The following ARHGAP10 variants were observed in gnomAD, a reference collection of about 807,000 sequenced individuals.
ARHGAP10 encodes rho GTPase-activating protein 10.
Under a neutral mutation model 108.6 loss-of-function variants are expected in ARHGAP10, and 87 were observed. That is an observed-to-expected ratio of 0.80 (90% CI 0.67 to 0.96). ARHGAP10 has a LOEUF of 0.96. ARHGAP10 is among the 40% of genes least tolerant of loss of function. ARHGAP10 has a pLI of 0.00. For synonymous variants in ARHGAP10, 347 were observed against 341.1 expected (o/e 1.02, Z -0.19); for missense variants, 939 against 954.5 (o/e 0.98, Z 0.21).
intron 22 of ARHGAP10, among the ~76,000 whole-genome samples, chr4:148,066,758 C>T (rs902376417): frequency 1.3e-5 from 2 of 152,208 alleles, no homozygotes; most frequent in African/African-American, 4.8e-5. Flanking sequence ...GGACTCTGTG[C>T]AGCTGATTCT....
chr4:147,733,445 C>T (rs1256037166), intron 1 of ARHGAP10, among the ~76,000 whole-genome samples: 1 of 152,144 alleles, frequency 6.6e-6, no homozygotes, highest in East Asian at 1.9e-4. Flanking sequence ...CCTGTCCATA[C>T]AGCAGACAGG....
At chr4:147,946,777 G>T in intron 15 of ARHGAP10, 73 bp downstream of exon 15, 1 of 1,150,552 alleles carries the variant, frequency 8.7e-7, no homozygotes, top group Non-Finnish European at 1.2e-6. Context: ...TGCCAATTGT[G>T]TACATAAATA....
chr4:147,732,194 GCTCCT>G lies in ARHGAP10; in HGVS notation c.-105_-101del. On this transcript the variant is annotated 5_prime_UTR_variant, in exon 1 of 23. Coordinates refer to ENST00000336498, the MANE Select transcript of ARHGAP10 (RefSeq NM_024605.4). Reference sequence around the variant, plus strand: ...GCTCGCCGCGCGCCCGGGCCTGCTAGCTCCTCTGTGCTCCCTGAACGCGCGGCGCC... The same window carrying G: ...GCTCGCCGCGCGCCCGGGCCTGCTAGCTGTGCTCCCTGAACGCGCGGCGCC... The G allele has an allele frequency of 8.5e-7, 1 of 1,174,928 alleles. No individual in the cohort carries two copies. Among genetic ancestry groups the G allele is most frequent in the Non-Finnish European group, 1.1e-6 (1 of 900,332 alleles). 72.8% of individuals were successfully genotyped at this position (1,174,928 alleles called of 1,614,324 possible).
At chr4:147,885,849 C>T (rs6853610) in intron 10 of ARHGAP10, among the ~76,000 whole-genome samples, 137,782 of 152,186 alleles carry the variant, frequency 0.91, 63,821 homozygotes, top group Non-Finnish European at 1. Context: ...TATGTAGTTT[C>T]CTTACCCTTT....
At chr4:148,029,340 C>G (rs933742606) in intron 19 of ARHGAP10, among the ~76,000 whole-genome samples, 26 of 152,190 alleles carry the variant, frequency 1.7e-4, no homozygotes, top group African/African-American at 6.0e-4. Context: ...AAGGATAGCT[C>G]ACATTCACGG....
intron 19 of ARHGAP10, among the ~76,000 whole-genome samples, chr4:148,024,846 T>G (rs1741707193): frequency 6.6e-6 from 1 of 152,272 alleles, no homozygotes; most frequent in South Asian, 2.1e-4. Flanking sequence ...GATGGAAGTG[T>G]TAATAAATAG....
chr4:147,962,299 G>A (rs748840110), intron 16 of ARHGAP10, among the ~76,000 whole-genome samples: 5 of 152,122 alleles, frequency 3.3e-5, no homozygotes, highest in African/African-American at 1.2e-4. Flanking sequence ...TTCTTCCATC[G>A]TAGCGCTCAA....
chr4:148,014,802 T>C (rs1161575995), intron 18 of ARHGAP10, among the ~76,000 whole-genome samples: 1 of 152,170 alleles, frequency 6.6e-6, no homozygotes, highest in Non-Finnish European at 1.5e-5. Flanking sequence ...CCGAAATCAA[T>C]ATGGTATGTC....
At chr4:147,738,446 G>A (rs934056854) in intron 1 of ARHGAP10, among the ~76,000 whole-genome samples, 2 of 152,028 alleles carry the variant, frequency 1.3e-5, no homozygotes, top group Non-Finnish European at 2.9e-5. Flanking sequence ...CCAGCTACTC[G>A]GGAGGCTGAG....
intron 20 of ARHGAP10, among the ~76,000 whole-genome samples, chr4:148,061,636 C>T (rs1180288427): frequency 1.3e-5 from 2 of 151,638 alleles, no homozygotes; most frequent in Non-Finnish European, 2.9e-5. Context: ...AAATGACCCC[C>T]TTTTTTTCCT....
chr4:147,926,826 A>G (rs570931270), intron 13 of ARHGAP10, among the ~76,000 whole-genome samples: 4 of 152,318 alleles, frequency 2.6e-5, no homozygotes, highest in African/African-American at 9.6e-5. Flanking sequence ...CAAATACTCT[A>G]GAAAGGTCAG....
intron 16 of ARHGAP10, among the ~76,000 whole-genome samples, chr4:147,962,085 C>T (rs976954818): frequency 2.6e-5 from 4 of 152,232 alleles, no homozygotes; most frequent in Non-Finnish European, 5.9e-5. Flanking sequence ...TTTCCAGCTA[C>T]TGCTAAATAC....
intron 3 of ARHGAP10, among the ~76,000 whole-genome samples, chr4:147,832,414 C>T (rs550437903): frequency 9.9e-5 from 15 of 150,888 alleles, no homozygotes; most frequent in Non-Finnish European, 1.6e-4. Flanking sequence ...TTTGGGAGGC[C>T]GAGGTGGGTG....
At chr4:147,866,656 T>A in intron 6 of ARHGAP10, 56 bp from the exon 7 acceptor site, 1 of 1,306,404 alleles carries the variant, frequency 7.7e-7, no homozygotes. Flanking sequence ...TTTATATGAT[T>A]CTTTTTTTCT....
At chr4:148,047,356 C>T (rs945278196) in intron 20 of ARHGAP10, among the ~76,000 whole-genome samples, 5 of 152,186 alleles carry the variant, frequency 3.3e-5, no homozygotes, top group Non-Finnish European at 7.3e-5. Context: ...GATGTTTCCC[C>T]ACTAGTTATG....
chr4:148,009,709 C>T (rs1327665841), intron 18 of ARHGAP10, among the ~76,000 whole-genome samples: 3 of 152,156 alleles, frequency 2.0e-5, no homozygotes, highest in Non-Finnish European at 4.4e-5. Context: ...AGTAATCAAT[C>T]CAGAGCCTAA....
intron 13 of ARHGAP10, among the ~76,000 whole-genome samples, chr4:147,925,348 G>A (rs1429041112): frequency 6.6e-6 from 1 of 152,106 alleles, no homozygotes; most frequent in East Asian, 1.9e-4. Flanking sequence ...CTTTTCTGAT[G>A]TTTCCCATCT....
chr4:147,863,560 C>A (rs1349294114), intron 5 of ARHGAP10: 3 of 152,196 alleles, frequency 2.0e-5, no homozygotes, highest in African/African-American at 7.2e-5. Context: ...GTACACATAT[C>A]TGTTCGAGTC....
chr4:148,006,307 C>T (rs942064897), intron 18 of ARHGAP10, among the ~76,000 whole-genome samples: 1 of 152,236 alleles, frequency 6.6e-6, no homozygotes, highest in Non-Finnish European at 1.5e-5. Context: ...GAAGAAACCT[C>T]TTGGTCATCC....
Sources: allele counts gnomAD v4.1 joint callset (sites outside exome capture counted in the v4.1 genomes callset), GRCh38; gene constraint gnomAD v4.1.1; transcripts MANE v1.5; gene names NCBI Gene and HGNC (gene_info 2026-07-23, HGNC 2026-07-21).